The following SLCO1A2 variants were observed in gnomAD, a reference collection of about 807,000 sequenced individuals.
SLCO1A2 encodes the protein solute carrier organic anion transporter family member 1A2.
In SLCO1A2, 67 loss-of-function variants were observed where a neutral mutation model predicts 69.0. The ratio of observed to expected loss-of-function variants is 0.97; its 90% CI spans 0.80 to 1.19. The LOEUF is 1.19. Ranked by LOEUF, SLCO1A2 falls within the 50% of genes most tolerant of loss-of-function variation. The probability of loss-of-function intolerance (pLI) is 0.00; values close to 1 mark genes in which losing one functional copy is unlikely to be tolerated. For synonymous variants in SLCO1A2, 260 were observed against 265.9 expected (o/e 0.98, Z 0.22); for missense variants, 787 against 793.7 (o/e 0.99, Z 0.10).
At position 21,375,544 on chromosome 12, in the gene SLCO1A2, C is replaced by A. The variant is rs973702341; in HGVS notation, c.-189-1019G>T. Among the ~76,000 whole-genome samples, 7 of 152,180 alleles carry A rather than the reference C, an allele frequency of 4.6e-5. No homozygotes were observed. In the East Asian group the frequency reaches 1.2e-3, roughly 25 times the overall value. On this transcript the variant is annotated intron_variant, in intron 1 of 15. Transcript: ENST00000307378. ...TGAAATAGGATAAAAGGATCACATACTTTCCCACCAACTTTTTTACACTCC... is the reference window on the plus strand; with the variant it reads ...TGAAATAGGATAAAAGGATCACATAATTTCCCACCAACTTTTTTACACTCC...
intron 14 of SLCO1A2, among the ~76,000 whole-genome samples, chr12:21,270,118 A>C (rs1178984453): frequency 6.6e-6 from 1 of 151,854 alleles, no homozygotes; most frequent in Admixed American, 6.6e-5. Flanking sequence ...ATGCTTCCAA[A>C]GAATCATCAT....
chr12:21,413,013 T>C (rs1351503404), intron 1 of SLCO1A2, among the ~76,000 whole-genome samples: 1 of 152,176 alleles, frequency 6.6e-6, no homozygotes, highest in Non-Finnish European at 1.5e-5. Flanking sequence ...CCTGCTCATC[T>C]GTTAGAATTT....
intron 4 of SLCO1A2, 104 bp downstream of exon 4, chr12:21,314,445 G>A (rs1950616219): frequency 1.6e-6 from 2 of 1,212,998 alleles, no homozygotes; most frequent in African/African-American, 3.0e-5. Flanking sequence ...TCCCATTACA[G>A]TGCCCTATGC....
chr12:21,396,632 G>T (rs1173696028), upstream of SLCO1A2, among the ~76,000 whole-genome samples: 1 of 152,026 alleles, frequency 6.6e-6, no homozygotes, highest in East Asian at 1.9e-4. Context: ...GAAAGGTCGG[G>T]TTACCCTCAA....
At chr12:21,293,721 T>A (rs750509556) in intron 11 of SLCO1A2, among the ~76,000 whole-genome samples, 2 of 152,112 alleles carry the variant, frequency 1.3e-5, no homozygotes, top group African/African-American at 2.4e-5. Context: ...AATATAAACT[T>A]CTTGGAAATT....
intron 14 of SLCO1A2, 115 bp from the exon 15 acceptor site, chr12:21,269,882 G>T: frequency 1.5e-6 from 1 of 663,644 alleles, no homozygotes. Context: ...GGTTTTGCAT[G>T]CTGATCTTAT....
In SLCO1A2 at chr12:21,405,969, G is replaced by T. The variant is rs117672200; in HGVS notation, c.-312+11913C>A. Among the ~76,000 whole-genome samples, 755 of 152,276 alleles carry T rather than the reference G, an allele frequency of 5.0e-3. 2 individuals are homozygous for T. Among genetic ancestry groups the T allele is most frequent in the Middle Eastern group, 0.01 (3 of 292 alleles). On this transcript the variant is annotated intron_variant, in intron 1 of 4. Coordinates refer to the SLCO1A2 transcript ENST00000413682. The stretch of plus-strand genomic sequence containing the variant: ...TTGCTGATGTTGTTATTTCATTCAA[G>T]AAATATTTATTGAGCACCTACTCCA...
At chr12:21,363,745 A>C (rs1939134097) in intron 2 of SLCO1A2, among the ~76,000 whole-genome samples, 2 of 152,222 alleles carry the variant, frequency 1.3e-5, no homozygotes, top group South Asian at 4.1e-4. Context: ...AATACAAACT[A>C]CTATCAGAGA....
intron 1 of SLCO1A2, among the ~76,000 whole-genome samples, chr12:21,404,636 C>G (rs1423135110): frequency 6.6e-6 from 1 of 152,084 alleles, no homozygotes; most frequent in Non-Finnish European, 1.5e-5. Flanking sequence ...CAGTCTATCA[C>G]TGATGGGCAT....
chr12:21,369,267 GT>G (rs1939613780), intron 2 of SLCO1A2, among the ~76,000 whole-genome samples: 1 of 151,990 alleles, frequency 6.6e-6, no homozygotes, highest in Non-Finnish European at 1.5e-5. Context: ...TCATGTCATT[GT>G]CAAAGCATGT....
At chr12:21,360,599 C>T (rs1837949978) in intron 2 of SLCO1A2, among the ~76,000 whole-genome samples, 4 of 152,114 alleles carry the variant, frequency 2.6e-5, no homozygotes, top group Admixed American at 2.6e-4. Flanking sequence ...ATTGCCTCAC[C>T]CAGGAAGCAC....
At chr12:21,401,007 C>T (rs1003832625) in intron 1 of SLCO1A2, among the ~76,000 whole-genome samples, 2 of 149,844 alleles carry the variant, frequency 1.3e-5, no homozygotes, top group Non-Finnish European at 3.0e-5. Flanking sequence ...TGCACATGTA[C>T]CCTAAAACTT....
intron 2 of SLCO1A2, among the ~76,000 whole-genome samples, chr12:21,349,210 T>C (rs1238951855): frequency 6.6e-6 from 1 of 152,084 alleles, no homozygotes; most frequent in Non-Finnish European, 1.5e-5. Context: ...CAGTCTGAGA[T>C]AATTAGCTTG....
intron 9 of SLCO1A2, 38 bp from the exon 10 acceptor site, chr12:21,295,830 T>C (rs1416684963): frequency 1.3e-5 from 15 of 1,168,568 alleles, no homozygotes; most frequent in Non-Finnish European, 1.7e-5. Flanking sequence ...CAAAATGACT[T>C]ACCAAAGGAA....
At chr12:21,410,151 C>T (rs369129033) in intron 1 of SLCO1A2, among the ~76,000 whole-genome samples, 1 of 152,140 alleles carries the variant, frequency 6.6e-6, no homozygotes, top group Non-Finnish European at 1.5e-5. Context: ...CCCCACTAAC[C>T]CACCACCTAT....
At chr12:21,296,386 G>A (rs934312758) in intron 9 of SLCO1A2, among the ~76,000 whole-genome samples, 1 of 151,966 alleles carries the variant, frequency 6.6e-6, no homozygotes, top group Non-Finnish European at 1.5e-5. Context: ...GACTACAGGT[G>A]CACAACACCA....
rs1364229695 is a variant in SLCO1A2, at chr12:21,285,469, A to G, written c.1610+6695T>C. Among the ~76,000 whole-genome samples, 12 of 140,236 alleles carry G rather than the reference A, an allele frequency of 8.6e-5. 1 individual carries two copies. The South Asian group carries it at 2.3e-3, about 27-fold the overall frequency. The allele number at this position is 140,236 out of a possible 152,430, so 92.0% of individuals were successfully genotyped here. ...TACCATTCCTTCTGAAACTATTCCA[A>G]TCAATAGAAAAAGAGGGAATCCTCC... On this transcript the variant is annotated intron_variant, in intron 12 of 14. Coordinates refer to ENST00000683939, the MANE Select transcript of SLCO1A2 (RefSeq NM_001386879.1).
At position 21,306,898 on chromosome 12, in the gene SLCO1A2, T is replaced by A; in HGVS notation, c.426A>T (p.Pro142=). Residue 142 remains proline, a synonymous_variant, in exon 5 of 15, where the codon CCA becomes CCT. Transcript: ENST00000683939. ...CMENGTQILR[P]TQDPSECTKE... ...GTAGACAACCTGATGGATCCTGCGT[T>A]GGTCTTAAAATCTGGGTTCCATTTT... is the stretch of plus-strand genomic sequence containing the variant. 1 of 1,613,554 alleles carries A rather than the reference T, an allele frequency of 6.2e-7. No homozygotes were observed. The highest frequency in any genetic ancestry group is 8.5e-7 in the Non-Finnish European group (1 of 1,179,528).
chr12:21,340,310 G>A (rs1004006435), intron 2 of SLCO1A2, among the ~76,000 whole-genome samples: 8 of 151,976 alleles, frequency 5.3e-5, no homozygotes. Context: ...TAGGTTATGT[G>A]TGTGGGGAAA....
Sources: gnomAD v4.1 joint callset for allele counts (sites outside exome capture counted in the v4.1 genomes callset) on GRCh38, gnomAD v4.1.1 for gene constraint, MANE v1.5 for transcripts, NCBI Gene and HGNC (gene_info 2026-07-23, HGNC 2026-07-21) for gene names.